The following CSMD1 variants were observed in gnomAD, a reference collection of about 807,000 sequenced individuals.
CSMD1 encodes the protein CUB and Sushi multiple domains 1, also known as CUB and sushi domain-containing protein 1.
CSMD1 carries 213 observed loss-of-function variants against 417.5 expected under a neutral mutation model. The ratio of observed to expected loss-of-function variants is 0.51; its 90% confidence interval spans 0.46 to 0.57. The LOEUF (loss-of-function observed/expected upper bound fraction) is 0.57, where lower values mean the gene tolerates loss of function less well. Ranked by LOEUF, CSMD1 falls within the 20% of genes least tolerant of loss-of-function variation. The pLI, the probability that CSMD1 is intolerant of heterozygous loss-of-function variation, is 0.00. For synonymous variants in CSMD1, 2,862 were observed against 1,736.8 expected (o/e 1.65, Z -16.11); for missense variants, 6,923 against 4,529.7 (o/e 1.53, Z -15.17).
At chr8:4,223,498 G>C (rs1042526083) in intron 3 of CSMD1, among the ~76,000 whole-genome samples, 1 of 152,230 alleles carries the variant, frequency 6.6e-6, no homozygotes, top group Non-Finnish European at 1.5e-5. Context: ...AGAGATGATT[G>C]CACAGGGCGT....
At chr8:3,594,171 G>C (rs117333823) in intron 8 of CSMD1, among the ~76,000 whole-genome samples, 1 of 152,128 alleles carries the variant, frequency 6.6e-6, no homozygotes, top group Non-Finnish European at 1.5e-5. Context: ...GACCTACAGG[G>C]GTTTGGCACT....
chr8:3,468,302 T>C (rs532571477), intron 12 of CSMD1, among the ~76,000 whole-genome samples: 4 of 152,320 alleles, frequency 2.6e-5, no homozygotes, highest in African/African-American at 7.2e-5. Context: ...ATTTCAAATA[T>C]TTGAATTTGG....
At chr8:4,991,358 A>C (rs1009147082) in intron 1 of CSMD1, among the ~76,000 whole-genome samples, 5 of 152,226 alleles carry the variant, frequency 3.3e-5, no homozygotes, top group African/African-American at 1.2e-4. Flanking sequence ...AATTTTCGAT[A>C]TCCCCAACGC....
intron 7 of CSMD1, among the ~76,000 whole-genome samples, chr8:3,689,691 A>G (rs1800133505): frequency 1.3e-5 from 2 of 151,110 alleles, no homozygotes; most frequent in East Asian, 3.9e-4. Context: ...CCTCACGTCA[A>G]TCCTATGAGT....
intron 5 of CSMD1, among the ~76,000 whole-genome samples, chr8:3,991,956 G>A (rs945548198): frequency 9.9e-5 from 15 of 151,534 alleles, no homozygotes; most frequent in Non-Finnish European, 1.5e-4. Context: ...AACACTCGGT[G>A]ATTATTAAAT....
intron 3 of CSMD1, among the ~76,000 whole-genome samples, chr8:4,288,401 A>C (rs575747289): frequency 1.4e-4 from 22 of 152,282 alleles, no homozygotes; most frequent in Admixed American, 7.2e-4. Context: ...ACCTACAAAT[A>C]TCTCAGGCTT....
intron 12 of CSMD1, among the ~76,000 whole-genome samples, chr8:3,465,092 T>C (rs1186904345): frequency 4.6e-5 from 7 of 152,162 alleles, no homozygotes; most frequent in Admixed American, 4.6e-4. Context: ...AACTGAAGTC[T>C]AGCAAGAGCG....
intron 3 of CSMD1, among the ~76,000 whole-genome samples, chr8:4,317,888 C>T (rs1049932743): frequency 6.6e-6 from 1 of 152,078 alleles, no homozygotes; most frequent in Non-Finnish European, 1.5e-5. Flanking sequence ...TATGTTCTGT[C>T]TTTCAGATGT....
chr8:3,438,097 A>G (rs1030845358), intron 12 of CSMD1, among the ~76,000 whole-genome samples: 4 of 152,230 alleles, frequency 2.6e-5, no homozygotes, highest in Admixed American at 6.5e-5. Context: ...AGACTTAGCT[A>G]TTAAAATTAT....
rs867395378 is a variant in CSMD1 at position 3,160,103 on chromosome 8, G to C, written c.5844+2056C>G. Among the ~76,000 whole-genome samples, 30 of 152,130 alleles carry C rather than the reference G, an allele frequency of 2.0e-4. 1 individual carries two copies. In the Middle Eastern group the frequency reaches 0.01, roughly 52 times the overall value. On this transcript the variant is annotated intron_variant, in intron 38 of 69. Coordinates refer to ENST00000635120, the MANE Select transcript of CSMD1 (RefSeq NM_033225.6). The stretch of plus-strand genomic sequence containing the variant: ...AGGTGTCCCTCTAAATGAGATCCTT[G>C]AGATATGAAAGACAATTCTTTTCTT...
chr8:3,285,501 C>G (rs1291889393), intron 25 of CSMD1, among the ~76,000 whole-genome samples: 1 of 151,838 alleles, frequency 6.6e-6, no homozygotes, highest in Non-Finnish European at 1.5e-5. Context: ...ATTCTCCTGC[C>G]TCAGCCTCCC....
At chr8:4,520,538 C>A (rs926076920) in intron 2 of CSMD1, among the ~76,000 whole-genome samples, 1 of 152,020 alleles carries the variant, frequency 6.6e-6, no homozygotes, top group Non-Finnish European at 1.5e-5. Flanking sequence ...GTCTTAGAAG[C>A]CAGAAAACCT....
chr8:4,290,033 A>T (rs988420997), intron 3 of CSMD1, among the ~76,000 whole-genome samples: 1 of 152,192 alleles, frequency 6.6e-6, no homozygotes, highest in African/African-American at 2.4e-5. Flanking sequence ...TGCAACTGTT[A>T]AGGTTTAACC....
At chr8:4,574,912 A>G (rs2617010) in intron 2 of CSMD1, among the ~76,000 whole-genome samples, 93,750 of 151,678 alleles carry the variant, frequency 0.62, 29,609 homozygotes, top group African/African-American at 0.76. Context: ...ATACACACAT[A>G]TAATTTTGTT....
intron 3 of CSMD1, among the ~76,000 whole-genome samples, chr8:4,039,890 T>A (rs772017901): frequency 2.6e-5 from 4 of 152,224 alleles, no homozygotes; most frequent in Non-Finnish European, 5.9e-5. Flanking sequence ...ACTTAGATCT[T>A]AGTTTCTACA....
At chr8:4,765,135 T>C (rs941116939) in intron 1 of CSMD1, among the ~76,000 whole-genome samples, 3 of 152,154 alleles carry the variant, frequency 2.0e-5, no homozygotes, top group African/African-American at 7.2e-5. Flanking sequence ...CCCTCTGATG[T>C]TCACACAGTT....
At chr8:3,518,431 T>A (rs1238354175) in intron 10 of CSMD1, among the ~76,000 whole-genome samples, 1 of 152,190 alleles carries the variant, frequency 6.6e-6, no homozygotes, top group African/African-American at 2.4e-5. Context: ...CACACAAAAA[T>A]CTGCTTTTAA....
intron 12 of CSMD1, among the ~76,000 whole-genome samples, chr8:3,412,111 CATATAT>C (rs1405458640): frequency 7.5e-5 from 8 of 106,796 alleles, no homozygotes; most frequent in Middle Eastern, 5.2e-3. Flanking sequence ...TACATATATA[CATATAT>C]ACACACGTAT....
intron 5 of CSMD1, among the ~76,000 whole-genome samples, chr8:3,809,710 C>A (rs575480880): frequency 6.6e-6 from 1 of 152,038 alleles, no homozygotes; most frequent in East Asian, 1.9e-4. Context: ...GACACTGCCA[C>A]GAATCTATAG....
Sources: allele counts gnomAD v4.1 joint callset (sites outside exome capture counted in the v4.1 genomes callset), GRCh38; gene constraint gnomAD v4.1.1; transcripts MANE v1.5; gene names NCBI Gene and HGNC (gene_info 2026-07-23, HGNC 2026-07-21).